The following FBLN1 variants were observed in gnomAD, a reference collection of about 807,000 sequenced individuals.
FBLN1 encodes fibulin-1.
Under a neutral mutation model 89.7 loss-of-function variants are expected in FBLN1, and 34 were observed. That is an observed-to-expected ratio of 0.38 (90% CI 0.29 to 0.50). The LOEUF (loss-of-function observed/expected upper bound fraction) is 0.50, where lower values mean the gene tolerates loss of function less well. FBLN1 is among the 20% of genes least tolerant of loss of function. The pLI is 0.92. For synonymous variants in FBLN1, 393 were observed against 391.3 expected, an observed-to-expected ratio of 1.00 and a Z score of -0.05; for missense variants, 777 against 988.1, an observed-to-expected ratio of 0.79 and a Z score of 2.86.
rs1207203979 is a variant in FBLN1 at position 45,557,254 on chromosome 22, G to A, written c.1697+6639G>A. Among the ~76,000 whole-genome samples the A allele has an allele frequency of 6.6e-6, 1 of 152,186 alleles. No homozygotes were observed. Among genetic ancestry groups the A allele is most frequent in the African/African-American group, 2.4e-5 (1 of 41,432 alleles). ...TGGATAAGGCATTCTGTGAACCCAC[G>A]GATGGTAGTCTTGGCAGAAGCATCG... On this transcript the variant is annotated intron_variant, in intron 14 of 16. Transcript: ENST00000327858. This position sits in a 1 kb window ranked among gnomAD's most constrained non-coding sequence, Gnocchi z 4.9.
intron 14 of FBLN1, among the ~76,000 whole-genome samples, chr22:45,560,995 C>CT (rs2088844779): frequency 6.6e-6 from 1 of 152,148 alleles, no homozygotes; most frequent in African/African-American, 2.4e-5. Context: ...GATGTTGCCA[C>CT]TACTGGGGAT....
chr22:45,545,904 T>G lies in FBLN1; in HGVS notation c.1322-1181T>G, dbSNP rs1039963320. Among the ~76,000 whole-genome samples, 3 of 152,060 alleles carry G rather than the reference T, an allele frequency of 2.0e-5. No individual in the cohort carries two copies. The highest frequency in any genetic ancestry group is 4.4e-5 in the Non-Finnish European group (3 of 68,002). ...GGCTCACACCTGTAATCCCAGCACT[T>G]TGGGAGGCTGAGGCAGGTGGATTAC... On this transcript the variant is annotated intron_variant, in intron 11 of 16. Coordinates refer to ENST00000327858, the MANE Select transcript of FBLN1 (RefSeq NM_006486.3). The surrounding 1 kb of genome is among the most constrained non-coding windows in gnomAD (Gnocchi z 5.9).
At chr22:45,569,941 T>C (rs1257658307) in intron 14 of FBLN1, among the ~76,000 whole-genome samples, 1 of 152,132 alleles carries the variant, frequency 6.6e-6, no homozygotes. Flanking sequence ...CTCTGGGTAA[T>C]GAAAGCACAC....
intron 16 of FBLN1, among the ~76,000 whole-genome samples, chr22:45,582,259 C>T (rs917143623): frequency 6.6e-6 from 1 of 152,146 alleles, no homozygotes; most frequent in Non-Finnish European, 1.5e-5. Flanking sequence ...ATCTGTCAGC[C>T]GTGGTTGAGT....
chr22:45,571,205 G>GA (rs1393137277), intron 14 of FBLN1, among the ~76,000 whole-genome samples: 3 of 149,136 alleles, frequency 2.0e-5, no homozygotes, highest in Admixed American at 6.7e-5. Flanking sequence ...ATTTATAAAG[G>GA]AAAAAAAATG....
intron 16 of FBLN1, among the ~76,000 whole-genome samples, chr22:45,592,674 G>A (rs558277801): frequency 2.0e-5 from 3 of 152,248 alleles, no homozygotes; most frequent in South Asian, 4.1e-4. Context: ...TGTGCTGCTC[G>A]TCCTCGCCTG....
chr22:45,585,392 G>A (rs574237164), intron 16 of FBLN1, among the ~76,000 whole-genome samples: 2 of 152,326 alleles, frequency 1.3e-5, no homozygotes, highest in African/African-American at 4.8e-5. Context: ...CCTCTTAAGG[G>A]GTTAAATGTG....
intron 16 of FBLN1, among the ~76,000 whole-genome samples, chr22:45,598,661 C>A (rs1199596176): frequency 6.6e-6 from 1 of 152,190 alleles, no homozygotes; most frequent in African/African-American, 2.4e-5. Context: ...CCTAGATCTC[C>A]CACCAGCTTT....
In FBLN1 at chr22:45,531,411, T is replaced by G; in HGVS notation, c.544+87T>G. 8.4e-7 allele frequency: 1 copy of G among 1,196,852 alleles called. No homozygotes were observed. Among genetic ancestry groups the G allele is most frequent in the Non-Finnish European group, 1.2e-6 (1 of 804,038 alleles). 74.1% of individuals were successfully genotyped at this position (1,196,852 alleles called of 1,614,324 possible). ...GGCTCAGGCCTGTAATCCTAGTACTTTGGGAAGCCAAGGCAGGAGGATTCC... is the reference window on the plus strand; with the variant it reads ...GGCTCAGGCCTGTAATCCTAGTACTGTGGGAAGCCAAGGCAGGAGGATTCC... On this transcript the variant is annotated intron_variant, in intron 5 of 16. Transcript: ENST00000327858. The surrounding 1 kb of genome is among the most constrained non-coding windows in gnomAD (Gnocchi z 4.9).
At chr22:45,552,233 G>C (rs1175910585) in intron 14 of FBLN1, among the ~76,000 whole-genome samples, 1 of 152,268 alleles carries the variant, frequency 6.6e-6, no homozygotes, top group Non-Finnish European at 1.5e-5. Flanking sequence ...GGGTGGGCAG[G>C]GGGCTGTCTG....
chr22:45,593,549 A>G (rs2089157494), intron 16 of FBLN1, among the ~76,000 whole-genome samples: 1 of 152,248 alleles, frequency 6.6e-6, no homozygotes, highest in South Asian at 2.1e-4. Context: ...AATTGAACTC[A>G]GCACTGTGGC....
rs906289726 is a variant in FBLN1 at position 45,541,280 on chromosome 22, G to T, written c.974G>T (p.Cys325Phe). The change falls in exon 9 of 17, where the codon TGC becomes TTC. Residue 325 changes from cysteine (C) to phenylalanine (F), a missense_variant. Physicochemically the swap from Cys to Phe is radical, Grantham distance 205. Transcript: ENST00000327858. Reference protein sequence around the residue: ...ISAPCPIGHTCINTEGSYTCQ... With the variant: ...ISAPCPIGHTFINTEGSYTCQ... ...GCCCCGTGCCCTATCGGGCATACAT[G>T]CATCAACACAGAGGGCTCCTACACG... is the stretch of plus-strand genomic sequence containing the variant. The T allele has an allele frequency of 6.2e-7, 1 of 1,614,216 alleles. No individual in the cohort carries two copies. The highest frequency in any genetic ancestry group is 8.5e-7 in the Non-Finnish European group (1 of 1,180,024).
chr22:45,528,087 G>A, intron 4 of FBLN1, 78 bp downstream of exon 4: 2 of 1,536,054 alleles, frequency 1.3e-6, no homozygotes, highest in Non-Finnish European at 1.8e-6. Flanking sequence ...AGAGTGGAGA[G>A]AGAGAGATTT....
At chr22:45,526,840 C>T (rs1045404110) in intron 3 of FBLN1, among the ~76,000 whole-genome samples, 1 of 152,206 alleles carries the variant, frequency 6.6e-6, no homozygotes, top group East Asian at 1.9e-4. Context: ...CCCTCCCACC[C>T]AACACCCAAT....
At chr22:45,540,060 G>A (rs898374701) in intron 8 of FBLN1, among the ~76,000 whole-genome samples, 3 of 152,208 alleles carry the variant, frequency 2.0e-5, no homozygotes, top group African/African-American at 7.2e-5. Flanking sequence ...ATAACAGAGT[G>A]GGCCTGGTTG....
Position 45,575,840 on chromosome 22 carries a change from C to T in FBLN1, c.1841-1137C>T, listed in dbSNP as rs576526288. ...CGTGTGCCCGGTCCCCAACCACCCC[C>T]GCCCTCTAGGGAGTCCCTATCCCTG... On this transcript the variant is annotated intron_variant, in intron 15 of 16. Transcript: ENST00000327858. The surrounding 1 kb of genome is among the most constrained non-coding windows in gnomAD (Gnocchi z 6.3). Among the ~76,000 whole-genome samples the T allele has an allele frequency of 2.2e-3, 338 of 152,318 alleles. 2 individuals are homozygous for T. The highest frequency in any genetic ancestry group is 2.5e-3 in the East Asian group (13 of 5,178).
rs370334778 is a variant in FBLN1, at chr22:45,591,739, G to A, written c.1973-8568G>A. ...CTAATTGCTTTCTGCTGTTTTTGCC[G>A]TGTGTTTATGACTCAGCTAAGGGCA... is the stretch of plus-strand genomic sequence containing the variant. On this transcript the variant is annotated intron_variant, in intron 16 of 16. Coordinates refer to ENST00000327858, the MANE Select transcript of FBLN1 (RefSeq NM_006486.3). Among the ~76,000 whole-genome samples the A allele has an allele frequency of 3.2e-4, 48 of 152,190 alleles. 1 individual carries two copies. In the South Asian group the frequency reaches 8.5e-3, roughly 27 times the overall value.
At chr22:45,533,613 A>C (rs1443977278) in intron 6 of FBLN1, 148 bp from the exon 7 acceptor site, 1 of 860,678 alleles carries the variant, frequency 1.2e-6, no homozygotes, top group Admixed American at 1.8e-5. Context: ...TGCAGTCCAC[A>C]GCCCGGATGT....
chr22:45,519,195 G>T (rs531802033), intron 2 of FBLN1, among the ~76,000 whole-genome samples: 1 of 152,200 alleles, frequency 6.6e-6, no homozygotes, highest in Non-Finnish European at 1.5e-5. Context: ...ATGAGCCGGC[G>T]CAGAGTGAAG....
Sources: allele counts gnomAD v4.1 joint callset (sites outside exome capture counted in the v4.1 genomes callset), GRCh38; gene constraint gnomAD v4.1.1; non-coding constraint Gnocchi (gnomAD v3.1); transcripts MANE v1.5; gene names NCBI Gene and HGNC (gene_info 2026-07-23, HGNC 2026-07-21).